ZFHX3: variants seen among roughly 807,000 people sequenced by gnomAD.
ZFHX3 encodes zinc finger homeobox 3.
ZFHX3 carries 42 observed loss-of-function variants against 279.1 expected under a neutral mutation model. That is an observed-to-expected ratio of 0.15 (90% CI 0.12 to 0.19). ZFHX3 has a LOEUF of 0.19. Among genes scored for constraint, ZFHX3 ranks in the 10% least tolerant of loss-of-function variants. The pLI is 1.00. For missense variants in ZFHX3, 4,981 were observed against 4,754.0 expected, an observed-to-expected ratio of 1.05 and a Z score of -1.40; for synonymous variants, 2,293 against 1,957.8, an observed-to-expected ratio of 1.17 and a Z score of -4.52.
chr16:72,817,412 T>C (rs991380432), intron 5 of ZFHX3, among the ~76,000 whole-genome samples: 1 of 152,160 alleles, frequency 6.6e-6, no homozygotes, highest in African/African-American at 2.4e-5. Flanking sequence ...GAGTTGCTGC[T>C]TCATCAAAGA....
At chr16:73,433,351 G>A (rs914425796) in intron 3 of ZFHX3, among the ~76,000 whole-genome samples, 6 of 152,148 alleles carry the variant, frequency 3.9e-5, no homozygotes, top group Non-Finnish European at 8.8e-5. Context: ...GTATATGCAC[G>A]CAGCCTGTAC....
chr16:73,654,011 C>T (rs1246743220), intron 2 of ZFHX3, among the ~76,000 whole-genome samples: 4 of 151,840 alleles, frequency 2.6e-5, no homozygotes, highest in Non-Finnish European at 4.4e-5. Flanking sequence ...GGTGAAACCC[C>T]GTCTCTACTA....
At chr16:73,147,103 T>C (rs1212940846) in intron 5 of ZFHX3, among the ~76,000 whole-genome samples, 1 of 152,200 alleles carries the variant, frequency 6.6e-6, no homozygotes. Flanking sequence ...TGTATTCCAT[T>C]GTAGGATAAG....
At chr16:73,748,687 T>A (rs984385706) in intron 1 of ZFHX3, among the ~76,000 whole-genome samples, 66 of 152,332 alleles carry the variant, frequency 4.3e-4, no homozygotes, top group African/African-American at 1.6e-3. Flanking sequence ...TCAGATTATA[T>A]CACTGTCTCA....
intron 3 of ZFHX3, among the ~76,000 whole-genome samples, chr16:72,909,639 G>A (rs1319048866): frequency 6.6e-6 from 1 of 152,140 alleles, no homozygotes; most frequent in Non-Finnish European, 1.5e-5. Context: ...CACTTTGGGA[G>A]GCTGAGGTGG....
At chr16:73,717,628 G>T (rs1355295494) in intron 1 of ZFHX3, among the ~76,000 whole-genome samples, 1 of 152,104 alleles carries the variant, frequency 6.6e-6, no homozygotes, top group African/African-American at 2.4e-5. Flanking sequence ...AGGTTGCTAG[G>T]CTCCGAGGAG....
rs560266813 is a variant in ZFHX3, at chr16:73,444,383, C to CCAT, written c.-1291+11617_-1291+11619dup. Among the ~76,000 whole-genome samples the CCAT allele has an allele frequency of 9.1e-4, 138 of 152,274 alleles. 1 individual carries two copies. Among genetic ancestry groups the CCAT allele is most frequent in the African/African-American group, 3.1e-3 (127 of 41,562 alleles). ...CTGGCCTGTATTGTATCTAAAATGACCATTTTTCTCTACCATTTCTCTCTA... is the reference window on the plus strand; with the variant it reads ...CTGGCCTGTATTGTATCTAAAATGACCATCATTTTTCTCTACCATTTCTCTCTA... On this transcript the variant is annotated intron_variant, in intron 3 of 17. Coordinates refer to the ZFHX3 transcript ENST00000641206.
intron 5 of ZFHX3, among the ~76,000 whole-genome samples, chr16:73,238,254 A>G (rs2013014304): frequency 6.6e-6 from 1 of 152,164 alleles, no homozygotes; most frequent in Non-Finnish European, 1.5e-5. Flanking sequence ...TGTGTAATGT[A>G]AAGCCTTGGC....
intron 5 of ZFHX3, among the ~76,000 whole-genome samples, chr16:73,242,129 G>A (rs1811927130): frequency 6.6e-6 from 1 of 152,184 alleles, no homozygotes; most frequent in Non-Finnish European, 1.5e-5. Context: ...TGGAGATACG[G>A]AAGACTGGAG....
intron 1 of ZFHX3, among the ~76,000 whole-genome samples, chr16:72,977,416 G>A (rs963678412): frequency 3.3e-5 from 5 of 152,132 alleles, no homozygotes; most frequent in African/African-American, 9.7e-5. Flanking sequence ...GCATGCTCAC[G>A]ACACATGCTG....
chr16:73,751,687 G>C (rs139598502), intron 1 of ZFHX3, among the ~76,000 whole-genome samples: 1 of 152,244 alleles, frequency 6.6e-6, no homozygotes, highest in East Asian at 1.9e-4. Context: ...TCAGAAATTA[G>C]AAGTTAGGGG....
intron 1 of ZFHX3, among the ~76,000 whole-genome samples, chr16:73,681,178 T>G (rs2053006346): frequency 6.6e-6 from 1 of 152,230 alleles, no homozygotes. Context: ...AGCATCTTGC[T>G]ATTATTTCCA....
At position 72,786,326 on chromosome 16, in the gene ZFHX3, A is replaced by G. The variant is rs1231535536; in HGVS notation, c.*838T>C. 1 of 152,096 alleles carries G rather than the reference A, an allele frequency of 6.6e-6. No homozygotes were observed. Among genetic ancestry groups the G allele is most frequent in the Non-Finnish European group, 1.5e-5 (1 of 67,970 alleles). The allele number at this position is 152,096 out of a possible 1,614,324, so 9.4% of individuals were successfully genotyped here. ...AATCTACTCAACACCAAAAATGGTC[A>G]TATCTATCATAAATACAGAAAGTCA... On this transcript the variant is annotated 3_prime_UTR_variant, in exon 10 of 10. Transcript: ENST00000268489.
chr16:73,161,485 G>A (rs1296138015), intron 5 of ZFHX3, among the ~76,000 whole-genome samples: 1 of 152,208 alleles, frequency 6.6e-6, no homozygotes. Context: ...GGGATTATAT[G>A]TCTTTGTGCC....
At chr16:73,285,950 A>G (rs2014585052) in intron 4 of ZFHX3, among the ~76,000 whole-genome samples, 1 of 152,252 alleles carries the variant, frequency 6.6e-6, no homozygotes, top group Admixed American at 6.5e-5. Flanking sequence ...CATATATTAT[A>G]TTTTAAAACA....
chr16:72,962,176 A>T (rs1388815473), intron 1 of ZFHX3, among the ~76,000 whole-genome samples: 2 of 152,246 alleles, frequency 1.3e-5, no homozygotes, highest in Non-Finnish European at 2.9e-5. Context: ...AAAGCAGAAC[A>T]GCTTTGATGC....
At chr16:73,574,172 A>C (rs1231359628) in intron 2 of ZFHX3, among the ~76,000 whole-genome samples, 1 of 152,194 alleles carries the variant, frequency 6.6e-6, no homozygotes, top group Non-Finnish European at 1.5e-5. Flanking sequence ...CTGATTTCAT[A>C]TGTTGATGCA....
chr16:73,600,567 G>A (rs57188967), intron 2 of ZFHX3, among the ~76,000 whole-genome samples: 2 of 151,916 alleles, frequency 1.3e-5, no homozygotes, highest in South Asian at 2.1e-4. Flanking sequence ...ACAGGCGCCC[G>A]CCACCACGCC....
chr16:72,993,275 G>A (rs1164313695), intron 1 of ZFHX3, among the ~76,000 whole-genome samples: 2 of 152,158 alleles, frequency 1.3e-5, no homozygotes, highest in Non-Finnish European at 2.9e-5. Context: ...CACCCTGTAT[G>A]GCCCACTGTT....
Sources: gnomAD v4.1 joint callset for allele counts (sites outside exome capture counted in the v4.1 genomes callset) on GRCh38, gnomAD v4.1.1 for gene constraint, MANE v1.5 for transcripts, NCBI Gene and HGNC (gene_info 2026-07-23, HGNC 2026-07-21) for gene names.